DDX52: variants seen among roughly 807,000 people sequenced by gnomAD.
DDX52 encodes the protein DExD-box helicase 52, also known as probable ATP-dependent RNA helicase DDX52.
A neutral mutation model predicts 76.1 loss-of-function variants in DDX52; 59 were observed. The observed-to-expected ratio is 0.78, with a 90% CI of 0.63 to 0.96. The LOEUF is 0.96. Ranked by LOEUF, DDX52 falls within the 40% of genes least tolerant of loss-of-function variation. DDX52 has a pLI of 0.00. For missense variants in DDX52, 707 were observed against 703.9 expected, an observed-to-expected ratio of 1.00 and a Z score of -0.05; for synonymous variants, 231 against 244.1, an observed-to-expected ratio of 0.95 and a Z score of 0.50.
intron 8 of DDX52, among the ~76,000 whole-genome samples, chr17:37,625,074 C>T (rs111349348): frequency 0.68 from 103,828 of 151,818 alleles, 37,407 homozygotes; most frequent in African/African-American, 0.91. Context: ...GGGGCGATCT[C>T]GGCCCACTGC....
At position 37,633,392 on chromosome 17, in the gene DDX52, T is replaced by G. The variant is rs749852037; in HGVS notation, c.313A>C (p.Thr105Pro). The G allele has an allele frequency of 3.8e-6, 6 of 1,582,746 alleles. No individual in the cohort carries two copies. In the South Asian group the frequency reaches 7.2e-5, roughly 19 times the overall value. ...SEIASQEEGA[T>P]IQWMSSVEAK... Reference sequence around the variant, plus strand: ...TCTACAGATGACATCCACTGTATAGTAGCACCTTCTTCTTGGGAAGCAATT... The same window carrying G: ...TCTACAGATGACATCCACTGTATAGGAGCACCTTCTTCTTGGGAAGCAATT... Residue 105 changes from threonine to proline, a missense_variant, in exon 3 of 15, where the codon ACT becomes CCT. Transcript: ENST00000617633.
chr17:37,628,166 C>T (rs994980494), intron 6 of DDX52, among the ~76,000 whole-genome samples: 33 of 152,048 alleles, frequency 2.2e-4, no homozygotes, highest in Non-Finnish European at 2.1e-4. Context: ...ATTTTTTAGC[C>T]TCAGCACTGT....
Position 37,621,500 on chromosome 17 carries a change from A to G in DDX52, c.1248T>C (p.Leu416=), listed in dbSNP as rs768960542. ...LVKKGFNPPV[L]VFVQSIERAK... ...CCCTTTCAATGGACTGAACAAAAAC[A>G]AGAACAGGTGGATTGAAACCCTAAA... Residue 416 remains leucine, a synonymous_variant, in exon 10 of 15, where the codon CTT becomes CTC. Coordinates refer to ENST00000617633, the MANE Select transcript of DDX52 (RefSeq NM_007010.5). 6.2e-7 allele frequency: 1 copy of G among 1,612,676 alleles called. No homozygotes were observed. The highest frequency in any genetic ancestry group is 8.5e-7 in the Non-Finnish European group (1 of 1,179,632).
rs574308136 is a variant in DDX52, at chr17:37,633,141, T to C, written c.417+147A>G. The stretch of plus-strand genomic sequence containing the variant: ...CAAATGCCTACTTTGCTTTAAGTTT[T>C]CATTAAAGTAAAATCTAAATGAATG... On this transcript the variant is annotated intron_variant, in intron 3 of 14. Coordinates refer to ENST00000617633, the MANE Select transcript of DDX52 (RefSeq NM_007010.5). The C allele has an allele frequency of 3.8e-3, 3,379 of 897,746 alleles. 11 individuals carry two copies. Among genetic ancestry groups the C allele is most frequent in the Non-Finnish European group, 4.8e-3 (3,196 of 671,620 alleles). The allele number at this position is 897,746 out of a possible 1,614,324, so 55.6% of individuals were successfully genotyped here. A position where few individuals can be genotyped will look rare whatever the true frequency, so the allele number is the denominator to read the frequency against.
chr17:37,611,030 T>C lies in DDX52; in HGVS notation c.*3266A>G, dbSNP rs1284893323. The C allele has an allele frequency of 6.6e-6, 1 of 152,254 alleles. No homozygotes were observed. Among genetic ancestry groups the C allele is most frequent in the Non-Finnish European group, 1.5e-5 (1 of 68,044 alleles). 9.4% of individuals were successfully genotyped at this position (152,254 alleles called of 1,614,324 possible). ...TCATAGATGTGACCTCAGTTTGTCC[T>C]GGAATCCTTTTTGTTCCTCTTCTTT... is the stretch of plus-strand genomic sequence containing the variant. On this transcript the variant is annotated 3_prime_UTR_variant, in exon 15 of 15. Coordinates refer to ENST00000617633, the MANE Select transcript of DDX52 (RefSeq NM_007010.5).
Position 37,621,172 on chromosome 17 carries a change from T to G in DDX52, c.1456A>C (p.Asn486His). Reference sequence around the variant, plus strand: ...ACTGAGCTAGTTGGAAAGTCATAGTTGATCACCAAGTTCACACCTTTAAAA... The same window carrying G: ...ACTGAGCTAGTTGGAAAGTCATAGTGGATCACCAAGTTCACACCTTTAAAA... The part of the protein sequence containing the change: ...IDFKGVNLVI[N>H]YDFPTSSVEY... The change falls in exon 11 of 15, where the codon AAC (asparagine) becomes CAC (histidine). Residue 486 changes from asparagine (N) to histidine (H), a missense_variant. Physicochemically the swap from Asn to His is moderately conservative, Grantham distance 68. Coordinates refer to ENST00000617633, the MANE Select transcript of DDX52 (RefSeq NM_007010.5). 1 of 1,613,652 alleles carries G rather than the reference T, an allele frequency of 6.2e-7. No homozygotes were observed. The highest frequency in any genetic ancestry group is 8.5e-7 in the Non-Finnish European group (1 of 1,179,862).
rs1401128174 is a variant in DDX52, at chr17:37,611,825, G to A, written c.*2471C>T. 1 of 150,836 alleles carries A rather than the reference G, an allele frequency of 6.6e-6. No individual in the cohort carries two copies. Among genetic ancestry groups the A allele is most frequent in the Non-Finnish European group, 1.5e-5 (1 of 67,822 alleles). The allele number at this position is 150,836 out of a possible 1,614,324, so 9.3% of individuals were successfully genotyped here. A position where few individuals can be genotyped will look rare whatever the true frequency, so the allele number is the denominator to read the frequency against. On this transcript the variant is annotated 3_prime_UTR_variant, in exon 15 of 15. Transcript: ENST00000617633. Reference sequence around the variant, plus strand: ...AAATTTAAAAATTAGCTGAGTGTTGGTGGCCCGCACCTATAGTACCAGCTA... The same window carrying A: ...AAATTTAAAAATTAGCTGAGTGTTGATGGCCCGCACCTATAGTACCAGCTA...
chr17:37,629,022 A>T (rs1167797796), intron 5 of DDX52, among the ~76,000 whole-genome samples: 1 of 152,044 alleles, frequency 6.6e-6, no homozygotes, highest in African/African-American at 2.4e-5. Flanking sequence ...GTTCCAGACC[A>T]GCCTGGCCAA....
At chr17:37,632,555 C>T (rs939257587) in intron 3 of DDX52, among the ~76,000 whole-genome samples, 3 of 152,178 alleles carry the variant, frequency 2.0e-5, no homozygotes, top group Non-Finnish European at 4.4e-5. Context: ...AAATAAACTT[C>T]TTAGAAGGCA....
intron 9 of DDX52, among the ~76,000 whole-genome samples, chr17:37,622,301 CT>C (rs141136978): frequency 9.0e-5 from 13 of 144,492 alleles, no homozygotes; most frequent in Non-Finnish European, 9.1e-5. Context: ...CTTTTTTTTT[CT>C]TTTTTTTTTG....
intron 2 of DDX52, among the ~76,000 whole-genome samples, chr17:37,636,963 A>G (rs2030957430): frequency 6.6e-6 from 1 of 152,102 alleles, no homozygotes; most frequent in Non-Finnish European, 1.5e-5. Context: ...TTTGGCTTAC[A>G]CCACATATAT....
At chr17:37,619,656 G>A in intron 13 of DDX52, 112 bp downstream of exon 13, 2 of 901,410 alleles carry the variant, frequency 2.2e-6, no homozygotes, top group Admixed American at 2.7e-5. Flanking sequence ...AGACTACAGT[G>A]AGCTGTGATC....
At chr17:37,634,285 T>C (rs1243260836) in intron 2 of DDX52, among the ~76,000 whole-genome samples, 1 of 151,886 alleles carries the variant, frequency 6.6e-6, no homozygotes, top group Non-Finnish European at 1.5e-5. Context: ...ACGTTCTCTA[T>C]ATGTAAACAA....
In DDX52 at chr17:37,618,221, C is replaced by G. The variant is rs2029895007; in HGVS notation, c.1742+71G>C. The G allele has an allele frequency of 9.8e-6, 12 of 1,221,090 alleles. 1 individual carries two copies. In the South Asian group the frequency reaches 1.3e-4, roughly 13 times the overall value. The allele number at this position is 1,221,090 out of a possible 1,614,324, so 75.6% of individuals were successfully genotyped here. A position where few individuals can be genotyped will look rare whatever the true frequency, so the allele number is the denominator to read the frequency against. On this transcript the variant is annotated intron_variant, in intron 14 of 14. Coordinates refer to ENST00000617633, the MANE Select transcript of DDX52 (RefSeq NM_007010.5). ...ATCAATTCTACTTCTAAAAATTTAC[C>G]TAAGGAAAAATAATGCCTACTATAA... is the stretch of plus-strand genomic sequence containing the variant.
At chr17:37,626,489 T>C (rs2030381651) in intron 7 of DDX52, among the ~76,000 whole-genome samples, 1 of 152,188 alleles carries the variant, frequency 6.6e-6, no homozygotes, top group African/African-American at 2.4e-5. Flanking sequence ...CCTTCCGTTC[T>C]TTATAAATTA....
rs151199830 is a variant in DDX52, at chr17:37,621,846, T to C, written c.1228-326A>G. Reference sequence around the variant, plus strand: ...TTCTGTGCCTCAAAACCTTTTTTTATTCTGCTTAAAATGAAATAATTATCT... The same window carrying C: ...TTCTGTGCCTCAAAACCTTTTTTTACTCTGCTTAAAATGAAATAATTATCT... On this transcript the variant is annotated intron_variant, in intron 9 of 14. Coordinates refer to ENST00000617633, the MANE Select transcript of DDX52 (RefSeq NM_007010.5). 1.0e-3 allele frequency among the ~76,000 whole-genome samples: 154 copies of C among 152,370 alleles called. No homozygotes were observed. In the South Asian group the frequency reaches 0.013, roughly 13 times the overall value.
In DDX52 at chr17:37,625,796, G is replaced by A; in HGVS notation, c.1136+99C>T. On this transcript the variant is annotated intron_variant, in intron 8 of 14. Transcript: ENST00000617633. ...TTCAATCAGTAAAACTCTCTCCCTT[G>A]CTAGTCTCAGGCCAAGAAACCTATC... 7.8e-6 allele frequency: 10 copies of A among 1,286,778 alleles called. No individual in the cohort carries two copies. In the South Asian group the frequency reaches 1.3e-4, roughly 17 times the overall value. The allele number at this position is 1,286,778 out of a possible 1,614,324, so 79.7% of individuals were successfully genotyped here.
At chr17:37,618,141 AT>A in intron 14 of DDX52, 150 bp downstream of exon 14, 1 of 611,690 alleles carries the variant, frequency 1.6e-6, no homozygotes, top group Non-Finnish European at 2.7e-6. Flanking sequence ...AAATTTCCCA[AT>A]TATAGGCAAC....
At position 37,611,966 on chromosome 17, in the gene DDX52, A is replaced by C. The variant is rs1309050936; in HGVS notation, c.*2330T>G. 6 of 149,188 alleles carry C rather than the reference A, an allele frequency of 4.0e-5. No homozygotes were observed. The highest frequency in any genetic ancestry group is 8.9e-5 in the Non-Finnish European group (6 of 67,394). The allele number at this position is 149,188 out of a possible 1,614,324, so 9.2% of individuals were successfully genotyped here. On this transcript the variant is annotated 3_prime_UTR_variant, in exon 15 of 15. Transcript: ENST00000617633. ...ACAGACCCTGTTTCTCAAAAAAAAA[A>C]AAAAAAACAAAACAAAAAAACTCAT...
Sources: allele counts gnomAD v4.1 joint callset (sites outside exome capture counted in the v4.1 genomes callset), GRCh38; gene constraint gnomAD v4.1.1; transcripts MANE v1.5; gene names NCBI Gene and HGNC (gene_info 2026-07-23, HGNC 2026-07-21).